Variants in TTN observed in about 807,000 individuals in gnomAD.
TTN encodes titin, also known as connectin.
TTN carries 1,525 observed loss-of-function variants against 3,223.0 expected under a neutral mutation model. That is an observed-to-expected ratio of 0.47 (90% CI 0.45 to 0.49). The LOEUF is 0.49. Ranked by LOEUF, TTN falls within the 20% of genes least tolerant of loss-of-function variation. The pLI, the probability that TTN is intolerant of heterozygous loss-of-function variation, is 0.00. For synonymous variants in TTN, 14,094 were observed against 15,161.0 expected, an observed-to-expected ratio of 0.93 and a Z score of 5.17; for missense variants, 40,786 against 43,424.0, an observed-to-expected ratio of 0.94 and a Z score of 5.40.
intron 13 of TTN, among the ~76,000 whole-genome samples, chr2:178,788,562 A>G (rs1041548820): frequency 9.9e-5 from 15 of 152,222 alleles, no homozygotes; most frequent in African/African-American, 2.9e-4. Flanking sequence ...GGGAAATACA[A>G]ATAGGATTCA....
Position 178,583,203 on chromosome 2 carries a change from A to G in TTN, c.65600T>C (p.Val21867Ala). ...CACAGTAAGCAAAGATTTCATAGCC[A>G]CACTCAGGTCTATCCTGGGAGGGAC... ...ENVPPRIDLS[V>A]AMKSLLTVKA... The change falls in exon 313 of 363, where the codon GTG becomes GCG. Residue 21867 changes from valine (V) to alanine (A), a missense_variant. Val to Ala is a moderately conservative substitution (Grantham distance 64). Transcript: ENST00000589042. 1.2e-6 allele frequency: 2 copies of G among 1,608,078 alleles called. No individual in the cohort carries two copies. Among genetic ancestry groups the G allele is most frequent in the South Asian group, 2.2e-5 (2 of 90,220 alleles).
At chr2:178,608,135 A>G (rs2055370782) in intron 275 of TTN, 43 bp downstream of exon 275, 2 of 1,603,850 alleles carry the variant, frequency 1.2e-6, no homozygotes, top group Non-Finnish European at 1.7e-6. Flanking sequence ...TAAAATGTAC[A>G]ATAGCTTGTT....
In TTN at chr2:178,560,782, C is replaced by G. The variant is rs373453778; in HGVS notation, c.85350G>C (p.Lys28450Asn). The G allele has an allele frequency of 1.1e-5, 17 of 1,613,644 alleles. No individual in the cohort carries two copies. The Middle Eastern group carries it at 4.9e-4, about 47-fold the overall frequency. ...CAAGTGGTCCTGCTGGTGGACCAGGCTTATCAAGTACTTTGCAATTAACGG... is the reference window on the plus strand; with the variant it reads ...CAAGTGGTCCTGCTGGTGGACCAGGGTTATCAAGTACTTTGCAATTAACGG... Reference protein sequence around the residue: ...SVAVNCKVLDKPGPPAGPLEI... With the variant: ...SVAVNCKVLDNPGPPAGPLEI... Residue 28450 changes from lysine (K) to asparagine (N), a missense_variant, in exon 326 of 363, where the codon AAG becomes AAC. Physicochemically the swap from Lys to Asn is moderately conservative, Grantham distance 94. Coordinates refer to ENST00000589042, the MANE Select transcript of TTN (RefSeq NM_001267550.2).
rs1288360484 is a variant in TTN, at chr2:178,635,634, A to G, written c.41690T>C (p.Ile13897Thr). Residue 13897 changes from isoleucine (I) to threonine (T), a missense_variant, in exon 227 of 363, where the codon ATA becomes ACA. Transcript: ENST00000589042. ...PKGTAIFACD[I>T]AKDTPNIKWF... ...CTTAATGTTTGGAGTATCTTTTGCTATATCACAGGCAAAAATAGCTGTCCC... is the reference window on the plus strand; with the variant it reads ...CTTAATGTTTGGAGTATCTTTTGCTGTATCACAGGCAAAAATAGCTGTCCC... 6 of 1,596,484 alleles carry G rather than the reference A, an allele frequency of 3.8e-6. No homozygotes were observed. Among genetic ancestry groups the G allele is most frequent in the African/African-American group, 1.3e-5 (1 of 74,718 alleles).
rs2154303574 is a variant in TTN at position 178,724,390 on chromosome 2, T to C, written c.20985A>G (p.Lys6995=). Residue 6995 remains lysine (K), a synonymous_variant, in exon 72 of 363, where the codon AAA becomes AAG. Transcript: ENST00000589042. ...GKLLTSSQKH[K]FSFYNKISSL... is the part of the protein sequence containing the mutation. ...AAGAGATTTTGTTGTAGAAGCTAAA[T>C]TTGTGTTTTTGGCTGCTGGTCAACA... is the stretch of plus-strand genomic sequence containing the variant. 6.2e-7 allele frequency: 1 copy of C among 1,613,584 alleles called. No individual in the cohort carries two copies. The highest frequency in any genetic ancestry group is 1.1e-5 in the South Asian group (1 of 91,070).
rs762681376 is a variant in TTN at position 178,740,396 on chromosome 2, A to C, written c.12837T>G (p.Asp4279Glu). 6.2e-7 allele frequency: 1 copy of C among 1,613,220 alleles called. No homozygotes were observed. The highest frequency in any genetic ancestry group is 1.3e-5 in the African/African-American group (1 of 74,904). Residue 4279 changes from aspartate to glutamate, a missense_variant, in exon 48 of 363, where the codon GAT (aspartate) becomes GAG (glutamate). Asp to Glu is a conservative substitution (Grantham distance 45). Transcript: ENST00000589042. ...EGHVESLQSP[D>E]VMISQVNYEP... The stretch of plus-strand genomic sequence containing the variant: ...CATAGTTTACCTGAGAGATCATGAC[A>C]TCAGGACTCTGGAGACTCTCCACGT...
In TTN at chr2:178,584,371, C is replaced by A. The variant is rs752748458; in HGVS notation, c.65180G>T (p.Gly21727Val). ...ATAGATTCTGAATGAATACTCAAGACCTTCTACAAGGCCAGCACAAGGATA... is the reference window on the plus strand; with the variant it reads ...ATAGATTCTGAATGAATACTCAAGAACTTCTACAAGGCCAGCACAAGGATA... ...TEYPCAGLVE[G>V]LEYSFRIYAL... Residue 21727 changes from glycine to valine, a missense_variant, in exon 311 of 363, where the codon GGT (glycine) becomes GTT (valine). Physicochemically the swap from Gly to Val is moderately radical, Grantham distance 109. Coordinates refer to ENST00000589042, the MANE Select transcript of TTN (RefSeq NM_001267550.2). 4 of 1,613,258 alleles carry A rather than the reference C, an allele frequency of 2.5e-6. No homozygotes were observed. Among genetic ancestry groups the A allele is most frequent in the Non-Finnish European group, 3.4e-6 (4 of 1,179,456 alleles).
At chr2:178,766,676 CCA>C in intron 40 of TTN, 64 bp from the exon 41 acceptor site, 1 of 1,310,404 alleles carries the variant, frequency 7.6e-7, no homozygotes, top group Non-Finnish European at 1.1e-6. Context: ...TGGTTTCCTC[CCA>C]GTTAATCAAT....
chr2:178,675,254 G>T, intron 149 of TTN, 141 bp from the exon 150 acceptor site: 2 of 519,660 alleles, frequency 3.8e-6, no homozygotes, highest in Non-Finnish European at 3.3e-6. Flanking sequence ...TCACAGAATC[G>T]GTTAATGAGA....
Position 178,604,083 on chromosome 2 carries a change from A to T in TTN, c.54604T>A (p.Trp18202Arg). ...CTTCCCTCTTCTCTTTTCTCCAGCCAGTAGCCAGTAATTGGAGAGCCACCA... is the reference window on the plus strand; with the variant it reads ...CTTCCCTCTTCTCTTTTCTCCAGCCTGTAGCCAGTAATTGGAGAGCCACCA... ...DNGGSPITGY[W>R]LEKREEGSPY... The change falls in exon 282 of 363, where the codon TGG (tryptophan) becomes AGG (arginine). Residue 18202 changes from tryptophan to arginine, a missense_variant. Trp to Arg is a moderately radical substitution (Grantham distance 101, BLOSUM62 -3). Transcript: ENST00000589042. The T allele has an allele frequency of 6.2e-7, 1 of 1,612,862 alleles. No individual in the cohort carries two copies.
chr2:178,606,644 T>A (rs1190884697), intron 278 of TTN, among the ~76,000 whole-genome samples: 1 of 151,980 alleles, frequency 6.6e-6, no homozygotes, highest in Non-Finnish European at 1.5e-5. Flanking sequence ...TCAGGAATTG[T>A]CTAATCTTTT....
rs771562210 is a variant in TTN, at chr2:178,630,240, C to T, written c.44281+1G>A. On this transcript the variant is annotated splice_donor_variant, in intron 239 of 362. Coordinates refer to ENST00000589042, the MANE Select transcript of TTN (RefSeq NM_001267550.2). LOFTEE classifies it high-confidence loss of function. ...TTCCCTGAAAAATATACAATACTTA[C>T]GCTTAACTCGGAGGTGGGCACTAGA... 3.1e-6 allele frequency: 5 copies of T among 1,612,768 alleles called. No homozygotes were observed. Among genetic ancestry groups the T allele is most frequent in the South Asian group, 1.1e-5 (1 of 90,956 alleles).
chr2:178,626,026 G>A (rs971308119), intron 240 of TTN, among the ~76,000 whole-genome samples: 8 of 151,838 alleles, frequency 5.3e-5, no homozygotes, highest in Admixed American at 4.6e-4. Context: ...GTATATATAT[G>A]TGTGCCCCCA....
chr2:178,599,735 A>G lies in TTN; in HGVS notation c.56166T>C (p.Pro18722=). ...GTTCTTTGTTATCAGGCTTCTTTGG[A>G]GGAGCTTTAAACCAGGTTAGTGTCG... ...PFPTLTWFKA[P]PKKPDNKEPV... The change falls in exon 289 of 363, where the codon CCT becomes CCC. Residue 18722 remains proline (P), a synonymous_variant. Coordinates refer to ENST00000589042, the MANE Select transcript of TTN (RefSeq NM_001267550.2). The G allele has an allele frequency of 6.2e-7, 1 of 1,612,898 alleles. No individual in the cohort carries two copies. The highest frequency in any genetic ancestry group is 8.5e-7 in the Non-Finnish European group (1 of 1,179,292).
At chr2:178,789,244 C>T (rs2093363230) in intron 13 of TTN, 116 bp downstream of exon 13, 4 of 1,404,576 alleles carry the variant, frequency 2.8e-6, no homozygotes, top group Non-Finnish European at 2.0e-6. Context: ...AATAGTGACT[C>T]ATACATAAGA....
intron 236 of TTN, among the ~76,000 whole-genome samples, chr2:178,631,549 G>A (rs933337500): frequency 1.3e-5 from 2 of 152,012 alleles, no homozygotes; most frequent in African/African-American, 2.4e-5. Flanking sequence ...TAGCTAAAAA[G>A]ACTGAAATTT....
In TTN at chr2:178,599,395, C is replaced by A. The variant is rs764411398; in HGVS notation, c.56398G>T (p.Asp18800Tyr). Reference sequence around the variant, plus strand: ...GGAAACCAAGATAGTGTCATTTGATCTGCTGAAACAGATTCAAATTTTATG... The same window carrying A: ...GGAAACCAAGATAGTGTCATTTGATATGCTGAAACAGATTCAAATTTTATG... ...GPIKFESVSA[D>Y]QMTLSWFPPK... The change falls in exon 290 of 363, where the codon GAT becomes TAT. Residue 18800 changes from aspartate to tyrosine, a missense_variant. By Grantham distance (160) the Asp-to-Tyr change is radical (BLOSUM62 -3). Coordinates refer to ENST00000589042, the MANE Select transcript of TTN (RefSeq NM_001267550.2). 6.3e-7 allele frequency: 1 copy of A among 1,575,540 alleles called. No homozygotes were observed.
chr2:178,550,226 T>C lies in TTN; in HGVS notation c.91612A>G (p.Ile30538Val). 6.2e-7 allele frequency: 1 copy of C among 1,613,528 alleles called. No homozygotes were observed. Among genetic ancestry groups the C allele is most frequent in the Non-Finnish European group, 8.5e-7 (1 of 1,179,652 alleles). Residue 30538 changes from isoleucine (I) to valine (V), a missense_variant, in exon 337 of 363, where the codon ATT becomes GTT. By Grantham distance (29) the Ile-to-Val change is conservative. Coordinates refer to ENST00000589042, the MANE Select transcript of TTN (RefSeq NM_001267550.2). ...FGPEYFDGLI[I>V]KSGESLRIKA... ...ATTCTAAGGCTCTCTCCGGACTTAA[T>C]AATGAGACCATCAAAGTATTCAGGG...
chr2:178,738,241 G>C lies in TTN; in HGVS notation c.14212C>G (p.Arg4738Gly). 1 of 1,613,466 alleles carries C rather than the reference G, an allele frequency of 6.2e-7. No homozygotes were observed. Among genetic ancestry groups the C allele is most frequent in the South Asian group, 1.1e-5 (1 of 91,058 alleles). Reference sequence around the variant, plus strand: ...CACTTGTCACTCTCATAAATTTCTCGGCCAGCTTTAAACCACTGGAACCGG... The same window carrying C: ...CACTTGTCACTCTCATAAATTTCTCCGCCAGCTTTAAACCACTGGAACCGG... ...NVRFQWFKAG[R>G]EIYESDKCSI... The change falls in exon 49 of 363, where the codon CGA (arginine) becomes GGA (glycine). Residue 4738 changes from arginine to glycine, a missense_variant. By Grantham distance (125) the Arg-to-Gly change is moderately radical. Transcript: ENST00000589042.
Sources: allele counts gnomAD v4.1 joint callset (sites outside exome capture counted in the v4.1 genomes callset), GRCh38; gene constraint gnomAD v4.1.1; transcripts MANE v1.5; gene names NCBI Gene and HGNC (gene_info 2026-07-23, HGNC 2026-07-21).